TSPEAR: variants seen among roughly 807,000 people sequenced by gnomAD.
TSPEAR encodes the protein thrombospondin-type laminin G domain and EAR repeat-containing protein.
A neutral mutation model predicts 71.6 loss-of-function variants in TSPEAR; 69 were observed. The ratio of observed to expected loss-of-function variants is 0.96; its 90% CI spans 0.79 to 1.18. TSPEAR has a LOEUF of 1.18. Ranked by LOEUF, TSPEAR falls within the 50% of genes most tolerant of loss-of-function variation. The pLI, the probability that TSPEAR is intolerant of heterozygous loss-of-function variation, is 0.00. For synonymous variants in TSPEAR, 402 were observed against 387.2 expected (o/e 1.04, Z -0.45); for missense variants, 971 against 894.9 (o/e 1.09, Z -1.09).
chr21:44,509,823 GC>G, intron 9 of TSPEAR: 1 of 200,922 alleles, frequency 5.0e-6, no homozygotes, highest in Non-Finnish European at 1.0e-5. Flanking sequence ...CCTACTCCAG[GC>G]CCCAGTGCTG....
At chr21:44,592,436 T>C in intron 1 of TSPEAR, 1 of 1,610,492 alleles carries the variant, frequency 6.2e-7, no homozygotes, top group Admixed American at 1.7e-5. Context: ...CAGACGCGGC[T>C]GCCGTAGCTC....
chr21:44,658,312 C>T (rs1433318829), intron 1 of TSPEAR: 1 of 1,577,508 alleles, frequency 6.3e-7, no homozygotes, highest in East Asian at 2.3e-5. Flanking sequence ...CTGTATCCCT[C>T]CGTGAATAAG....
chr21:44,569,174 AGT>A (rs2053750704), intron 1 of TSPEAR, among the ~76,000 whole-genome samples: 1 of 152,164 alleles, frequency 6.6e-6, no homozygotes, highest in African/African-American at 2.4e-5. Flanking sequence ...TCCTCCAGAG[AGT>A]GTGAGCACCT....
At chr21:44,646,394 TCACTCACACACA>T (rs1984361822) in intron 1 of TSPEAR, 8 of 1,551,800 alleles carry the variant, frequency 5.2e-6, no homozygotes, top group South Asian at 5.0e-5. Flanking sequence ...CCTCACTCAC[TCACTCACACACA>T]CACTCACACA....
At chr21:44,635,351 A>G (rs1300361643) in intron 1 of TSPEAR, among the ~76,000 whole-genome samples, 1 of 151,266 alleles carries the variant, frequency 6.6e-6, no homozygotes, top group Non-Finnish European at 1.5e-5. Flanking sequence ...GTCTCAAAAA[A>G]AAAAAAAAAA....
intron 1 of TSPEAR, chr21:44,654,735 G>T (rs192788162): frequency 1.3e-5 from 9 of 683,276 alleles, no homozygotes; most frequent in African/African-American, 1.3e-4. Flanking sequence ...CATCTTCCTC[G>T]TGGGTGGTTT....
chr21:44,703,427 C>T (rs1474467774), intron 1 of TSPEAR, among the ~76,000 whole-genome samples: 1 of 152,220 alleles, frequency 6.6e-6, no homozygotes, highest in Non-Finnish European at 1.5e-5. Context: ...GGGCCTGGTG[C>T]CCCCATGCCT....
intron 10 of TSPEAR, chr21:44,508,867 G>A (rs782277496): frequency 1.1e-5 from 16 of 1,425,594 alleles, no homozygotes; most frequent in Admixed American, 5.6e-5. Flanking sequence ...CTGGGGCCTC[G>A]GCTATCCCTC....
At chr21:44,648,312 C>T (rs1200694250) in intron 1 of TSPEAR, among the ~76,000 whole-genome samples, 1 of 152,170 alleles carries the variant, frequency 6.6e-6, no homozygotes, top group Non-Finnish European at 1.5e-5. Flanking sequence ...TGAGACCAGT[C>T]AGGTCAGCAC....
intron 1 of TSPEAR, chr21:44,681,875 G>C (rs781835995): frequency 6.2e-7 from 1 of 1,614,102 alleles, no homozygotes; most frequent in South Asian, 1.1e-5. Flanking sequence ...GTCTGCAGAG[G>C]ACGCTGGTGC....
intron 1 of TSPEAR, among the ~76,000 whole-genome samples, chr21:44,651,218 T>G (rs1358060689): frequency 6.6e-6 from 1 of 151,620 alleles, no homozygotes; most frequent in Non-Finnish European, 1.5e-5. Context: ...TCACCACAGG[T>G]CTCCAGAGAG....
intron 1 of TSPEAR, among the ~76,000 whole-genome samples, chr21:44,625,330 C>T (rs932694840): frequency 3.9e-5 from 6 of 152,180 alleles, no homozygotes; most frequent in South Asian, 4.1e-4. Context: ...CGGTGGCTTA[C>T]GCCTGTAGTC....
chr21:44,567,774 G>C lies in TSPEAR; in HGVS notation c.303+11C>G. The C allele has an allele frequency of 6.5e-7, 1 of 1,548,860 alleles. No homozygotes were observed. Among genetic ancestry groups the C allele is most frequent in the Non-Finnish European group, 8.7e-7 (1 of 1,143,948 alleles). On this transcript the variant is annotated intron_variant, in intron 2 of 11. Transcript: ENST00000323084. ...GCTATTATAACACGAAGTGCAGAAA[G>C]TGCCACTGACCTTGGGTGGAAGATT...
chr21:44,649,182 G>A (rs1396914981), intron 1 of TSPEAR, among the ~76,000 whole-genome samples: 4 of 152,214 alleles, frequency 2.6e-5, no homozygotes, highest in Non-Finnish European at 5.9e-5. Flanking sequence ...GACATGGTTG[G>A]TGCATGCTCG....
Position 44,573,721 on chromosome 21 carries a change from T to A in TSPEAR, c.83-5716A>T, listed in dbSNP as rs782452612. 82 of 1,590,904 alleles carry A rather than the reference T, an allele frequency of 5.2e-5. 1 individual carries two copies. Among genetic ancestry groups the A allele is most frequent in the Non-Finnish European group, 6.8e-5 (79 of 1,166,808 alleles). On this transcript the variant is annotated intron_variant, in intron 1 of 11. Coordinates refer to ENST00000323084, the MANE Select transcript of TSPEAR (RefSeq NM_144991.3). ...TCACTCGCTCACCCACTCCCTCCCA[T>A]CTCCCCCAGCTCAACCCCCAGCACA...
At chr21:44,641,045 C>G (rs1158915472) in intron 1 of TSPEAR, among the ~76,000 whole-genome samples, 4 of 152,130 alleles carry the variant, frequency 2.6e-5, no homozygotes, top group Admixed American at 2.6e-4. Context: ...ATGAACAAGG[C>G]CCCCCTCATC....
At chr21:44,692,162 G>A (rs1183894662) in intron 1 of TSPEAR, among the ~76,000 whole-genome samples, 1 of 152,116 alleles carries the variant, frequency 6.6e-6, no homozygotes, top group Non-Finnish European at 1.5e-5. Flanking sequence ...ACCATTTTAT[G>A]ATTTTAAAAC....
intron 1 of TSPEAR, among the ~76,000 whole-genome samples, chr21:44,663,437 C>T (rs1985599836): frequency 1.3e-5 from 2 of 151,974 alleles, no homozygotes; most frequent in Non-Finnish European, 2.9e-5. Context: ...AGTATCATAT[C>T]TATTAAAGAA....
chr21:44,554,384 T>A (rs1167094410), intron 2 of TSPEAR, among the ~76,000 whole-genome samples: 3 of 152,132 alleles, frequency 2.0e-5, no homozygotes, highest in African/African-American at 7.2e-5. Flanking sequence ...CCACGGCAAT[T>A]TGTTATAGCA....
Sources: gnomAD v4.1 joint callset for allele counts (sites outside exome capture counted in the v4.1 genomes callset) on GRCh38, gnomAD v4.1.1 for gene constraint, MANE v1.5 for transcripts, NCBI Gene and HGNC (gene_info 2026-07-23, HGNC 2026-07-21) for gene names.